The following CCNL2 variants were observed in gnomAD, a reference collection of about 807,000 sequenced individuals.
CCNL2 encodes the protein cyclin L2.
In CCNL2, 28 loss-of-function variants were observed where a neutral mutation model predicts 59.1. The ratio of observed to expected loss-of-function variants is 0.47; its 90% CI spans 0.35 to 0.65. The LOEUF (loss-of-function observed/expected upper bound fraction) is 0.65. Ranked by LOEUF, CCNL2 falls within the 30% of genes least tolerant of loss-of-function variation. The pLI is 0.00. For missense variants in CCNL2, 714 were observed against 717.4 expected, an observed-to-expected ratio of 1.00 and a Z score of 0.05; for synonymous variants, 342 against 288.6, an observed-to-expected ratio of 1.19 and a Z score of -1.88.
chr1:1,393,633 T>C (rs948718643), intron 4 of CCNL2, among the ~76,000 whole-genome samples, 173 bp from the exon 5 acceptor site: 31 of 152,202 alleles, frequency 2.0e-4, no homozygotes, highest in African/African-American at 6.8e-4. Flanking sequence ...GCACCTGCTG[T>C]CTGCCTTGGC....
In CCNL2 at chr1:1,387,773, A is replaced by G. The variant is rs1322435830; in HGVS notation, c.1211+4T>C. Reference sequence around the variant, plus strand: ...GCCTCCTGGGTGCGCCCTGAGGCACACACCTCCTCTTAGGAGACGCTGATC... The same window carrying G: ...GCCTCCTGGGTGCGCCCTGAGGCACGCACCTCCTCTTAGGAGACGCTGATC... On this transcript the variant is annotated splice_donor_region_variant and intron_variant, in intron 10 of 10. Transcript: ENST00000400809. The G allele has an allele frequency of 1.9e-5, 30 of 1,609,746 alleles. No individual in the cohort carries two copies. The highest frequency in any genetic ancestry group is 1.2e-4 in the Admixed American group (7 of 59,602).
intron 3 of CCNL2, among the ~76,000 whole-genome samples, chr1:1,396,966 C>G (rs1012846295): frequency 2.6e-5 from 4 of 152,066 alleles, no homozygotes; most frequent in Non-Finnish European, 4.4e-5. Context: ...CCAGGATGGT[C>G]TCGATCTCCT....
chr1:1,388,495 G>C (rs938752989), intron 8 of CCNL2: 2 of 454,082 alleles, frequency 4.4e-6, no homozygotes, highest in Non-Finnish European at 8.8e-6. Flanking sequence ...TACTCACCTG[G>C]CAACACAGCG....
At chr1:1,392,241 A>G in intron 5 of CCNL2, 4 of 787,308 alleles carry the variant, frequency 5.1e-6, no homozygotes, top group Non-Finnish European at 6.2e-6. Context: ...AAGTAGTGAT[A>G]TTAATCCACG....
chr1:1,386,008 A>T lies in CCNL2; in HGVS notation c.*1223T>A, dbSNP rs1173115218. 1 of 152,176 alleles carries T rather than the reference A, an allele frequency of 6.6e-6. No individual in the cohort carries two copies. Among genetic ancestry groups the T allele is most frequent in the East Asian group, 1.9e-4 (1 of 5,198 alleles). 9.4% of individuals were successfully genotyped at this position (152,176 alleles called of 1,614,324 possible). On this transcript the variant is annotated 3_prime_UTR_variant, in exon 11 of 11. Coordinates refer to ENST00000400809, the MANE Select transcript of CCNL2 (RefSeq NM_030937.6). ...CGTTATCCCACTAGCCCCGGCCTATATGTCCCACTGCCCTAGTAAGTCCAA... is the reference window on the plus strand; with the variant it reads ...CGTTATCCCACTAGCCCCGGCCTATTTGTCCCACTGCCCTAGTAAGTCCAA...
chr1:1,396,773 G>A (rs755042494), intron 3 of CCNL2, among the ~76,000 whole-genome samples: 1 of 147,766 alleles, frequency 6.8e-6, no homozygotes, highest in Non-Finnish European at 1.5e-5. Context: ...TTTTGAGACG[G>A]AGTCTTGCTC....
chr1:1,387,737 C>T, intron 10 of CCNL2, 40 bp downstream of exon 10: 3 of 1,546,750 alleles, frequency 1.9e-6, no homozygotes, highest in Non-Finnish European at 2.6e-6. Flanking sequence ...GACAGCCCCA[C>T]CCCGGTATCG....
chr1:1,397,951 A>C (rs1041699142), intron 3 of CCNL2, among the ~76,000 whole-genome samples: 2 of 152,216 alleles, frequency 1.3e-5, no homozygotes, highest in African/African-American at 4.8e-5. Flanking sequence ...TGTGGGACAG[A>C]AGCAGCAGCA....
intron 8 of CCNL2, chr1:1,388,277 C>A (rs1470176808): frequency 1.1e-5 from 6 of 564,350 alleles, no homozygotes; most frequent in Non-Finnish European, 1.9e-5. Flanking sequence ...GAGCCCAGCA[C>A]TTCGGGAGGC....
intron 5 of CCNL2, chr1:1,391,255 A>C: frequency 9.1e-7 from 1 of 1,103,686 alleles, no homozygotes; most frequent in Non-Finnish European, 1.1e-6. Flanking sequence ...GATTAAAGAA[A>C]TCTAAATGCT....
chr1:1,398,421 A>T, intron 2 of CCNL2, 79 bp from the exon 3 acceptor site: 1 of 1,599,336 alleles, frequency 6.3e-7, no homozygotes, highest in Non-Finnish European at 8.5e-7. Flanking sequence ...CTTGAGGGCT[A>T]TTCAGACCAA....
chr1:1,391,632 A>G, intron 5 of CCNL2: 1 of 1,018,880 alleles, frequency 9.8e-7, no homozygotes, highest in Non-Finnish European at 1.4e-6. Flanking sequence ...GCAACATGAT[A>G]CTGAGAAGCA....
At chr1:1,397,167 C>T (rs749231979) in intron 3 of CCNL2, among the ~76,000 whole-genome samples, 12 of 152,328 alleles carry the variant, frequency 7.9e-5, no homozygotes, top group Admixed American at 2.6e-4. Context: ...CAGGCCAGCC[C>T]GGCCAGAGGC....
At chr1:1,396,128 G>A (rs1414178119) in intron 3 of CCNL2, among the ~76,000 whole-genome samples, 5 of 145,376 alleles carry the variant, frequency 3.4e-5, no homozygotes, top group East Asian at 2.2e-4. Flanking sequence ...TCAGTGAGCC[G>A]AGATCGCATC....
chr1:1,393,248 G>A (rs1483278665), intron 5 of CCNL2, 148 bp downstream of exon 5: 1 of 690,522 alleles, frequency 1.4e-6, no homozygotes. Flanking sequence ...AGTCTGATTG[G>A]AATTTATACA....
chr1:1,388,028 G>A lies in CCNL2; in HGVS notation c.1044C>T (p.Ser348=). The A allele has an allele frequency of 6.2e-7, 1 of 1,614,030 alleles. No individual in the cohort carries two copies. Among genetic ancestry groups the A allele is most frequent in the Non-Finnish European group, 8.5e-7 (1 of 1,180,038 alleles). The change falls in exon 9 of 11, where the codon TCC becomes TCT. Residue 348 remains serine, a synonymous_variant. Coordinates refer to ENST00000400809, the MANE Select transcript of CCNL2 (RefSeq NM_030937.6). ...SPKEGKGSKP[S]PLSVKNTKRR... Reference sequence around the variant, plus strand: ...TCTTGGTGTTCTTCACAGACAGTGGGGAAGGCTTGCTCCCTTTACCTTCTT... The same window carrying A: ...TCTTGGTGTTCTTCACAGACAGTGGAGAAGGCTTGCTCCCTTTACCTTCTT...
At chr1:1,388,501 C>G (rs191694427) in intron 8 of CCNL2, 1 of 454,510 alleles carries the variant, frequency 2.2e-6, no homozygotes, top group Admixed American at 2.4e-5. Flanking sequence ...CCTGGCAACA[C>G]AGCGAGACTC....
Position 1,390,134 on chromosome 1 carries a change from T to A in CCNL2, c.1006+96A>T, listed in dbSNP as rs529996591. 7,131 of 984,576 alleles carry A rather than the reference T, an allele frequency of 7.2e-3. 117 individuals carry two copies. The highest frequency in any genetic ancestry group is 0.057 in the African/African-American group (2,943 of 52,044). 61.0% of individuals were successfully genotyped at this position (984,576 alleles called of 1,614,324 possible). A position where few individuals can be genotyped will look rare whatever the true frequency, so the allele number is the denominator to read the frequency against. On this transcript the variant is annotated intron_variant, in intron 8 of 10. Coordinates refer to ENST00000400809, the MANE Select transcript of CCNL2 (RefSeq NM_030937.6). ...GTCTCAAAAAAAAAAAAAAAAAAAA[T>A]GTCTGGAAGGAGCACATACCCCAGA...
Position 1,387,829 on chromosome 1 carries a change from G to C in CCNL2, c.1159C>G (p.Arg387Gly). 1.9e-6 allele frequency: 3 copies of C among 1,613,276 alleles called. No individual in the cohort carries two copies. The highest frequency in any genetic ancestry group is 2.5e-6 in the Non-Finnish European group (3 of 1,179,862). ...GRESRSRSRS[R>G]EQSYSRSPSR... The stretch of plus-strand genomic sequence containing the variant: ...GGGGACCTCGAGTAGCTCTGCTCAC[G>C]GCTCCGGCTCCGACTCCGACTCTCT... Residue 387 changes from arginine to glycine, a missense_variant, in exon 10 of 11, where the codon CGT (arginine) becomes GGT (glycine). Physicochemically the swap from Arg to Gly is moderately radical, Grantham distance 125 (BLOSUM62 -2). Coordinates refer to ENST00000400809, the MANE Select transcript of CCNL2 (RefSeq NM_030937.6).
Sources: allele counts gnomAD v4.1 joint callset (sites outside exome capture counted in the v4.1 genomes callset), GRCh38; gene constraint gnomAD v4.1.1; transcripts MANE v1.5; gene names NCBI Gene and HGNC (gene_info 2026-07-23, HGNC 2026-07-21).